NCAM2: variants seen among roughly 807,000 people sequenced by gnomAD.
NCAM2 encodes neural cell adhesion molecule 2.
Under a neutral mutation model 98.1 loss-of-function variants are expected in NCAM2, and 30 were observed. The observed-to-expected ratio is 0.31, with a 90% CI of 0.23 to 0.41. NCAM2 has a LOEUF of 0.41. Ranked by LOEUF, NCAM2 falls within the 10% of genes least tolerant of loss-of-function variation. The probability of loss-of-function intolerance (pLI) is 1.00; values close to 1 mark genes in which losing one functional copy is unlikely to be tolerated. For synonymous variants in NCAM2, 368 were observed against 342.4 expected (o/e 1.07, Z -0.83); for missense variants, 867 against 1,005.8 (o/e 0.86, Z 1.87).
At chr21:21,196,676 C>T (rs1437477844) in intron 1 of NCAM2, among the ~76,000 whole-genome samples, 1 of 152,074 alleles carries the variant, frequency 6.6e-6, no homozygotes, top group Non-Finnish European at 1.5e-5. Context: ...ATGGCAGGGG[C>T]CAGAAACTGG....
rs1488289105 is a variant in NCAM2, at chr21:20,999,594, T to TA, written c.55+977dup. On this transcript the variant is annotated intron_variant, in intron 1 of 17. Coordinates refer to ENST00000400546, the MANE Select transcript of NCAM2 (RefSeq NM_004540.5). ...GAAAGTCTTTAAAGGAAAAATAAAA[T>TA]AGCACTAATTTTGAGATATGTAATG... is the stretch of plus-strand genomic sequence containing the variant. Among the ~76,000 whole-genome samples, 3 of 152,172 alleles carry TA rather than the reference T, an allele frequency of 2.0e-5. 1 individual carries two copies. In the East Asian group the frequency reaches 5.8e-4, roughly 29 times the overall value.
intron 14 of NCAM2, among the ~76,000 whole-genome samples, chr21:21,477,065 A>C (rs1247332886): frequency 6.6e-6 from 1 of 152,086 alleles, no homozygotes; most frequent in African/African-American, 2.4e-5. Context: ...AGGATTAATG[A>C]CAAAACCACT....
At chr21:21,107,045 C>T (rs558328858) in intron 1 of NCAM2, among the ~76,000 whole-genome samples, 7 of 152,120 alleles carry the variant, frequency 4.6e-5, no homozygotes, top group South Asian at 2.1e-4. Flanking sequence ...AATCTAAAAT[C>T]AGTAAGAAAT....
intron 15 of NCAM2, among the ~76,000 whole-genome samples, chr21:21,507,085 A>G (rs1988026424): frequency 6.6e-6 from 1 of 151,994 alleles, no homozygotes; most frequent in African/African-American, 2.4e-5. Context: ...TATAAGAAAT[A>G]AAAATAACTT....
chr21:21,407,182 GTTGTTA>G (rs1336755663), intron 9 of NCAM2, among the ~76,000 whole-genome samples: 1 of 152,178 alleles, frequency 6.6e-6, no homozygotes, highest in Non-Finnish European at 1.5e-5. Flanking sequence ...CCAGTACCAA[GTTGTTA>G]ATTGCATTGA....
At chr21:21,450,901 A>G (rs1980960597) in intron 12 of NCAM2, among the ~76,000 whole-genome samples, 1 of 151,920 alleles carries the variant, frequency 6.6e-6, no homozygotes, top group Non-Finnish European at 1.5e-5. Context: ...GAAGTAGCAC[A>G]TGTTACACAC....
At chr21:21,514,060 A>G (rs1486723521) in intron 16 of NCAM2, among the ~76,000 whole-genome samples, 1 of 151,750 alleles carries the variant, frequency 6.6e-6, no homozygotes. Flanking sequence ...CATGCTCTAC[A>G]TATATAACCT....
At chr21:21,200,482 G>A (rs954675016) in intron 1 of NCAM2, among the ~76,000 whole-genome samples, 1 of 150,576 alleles carries the variant, frequency 6.6e-6, no homozygotes, top group Non-Finnish European at 1.5e-5. Context: ...ACTTTTCAAC[G>A]TTTAAGAAAT....
At chr21:21,319,509 C>T (rs745447741) in intron 5 of NCAM2, among the ~76,000 whole-genome samples, 4 of 152,034 alleles carry the variant, frequency 2.6e-5, no homozygotes, top group South Asian at 2.1e-4. Flanking sequence ...GGCATGATGG[C>T]GCGTGCCTGT....
At chr21:21,375,215 C>CA (rs1347678056) in intron 9 of NCAM2, among the ~76,000 whole-genome samples, 6 of 140,694 alleles carry the variant, frequency 4.3e-5, no homozygotes, top group African/African-American at 1.6e-4. Context: ...AAAACAAAAA[C>CA]AAAAACAAAA....
At chr21:21,210,484 C>T (rs1214695941) in intron 1 of NCAM2, 18 of 1,239,854 alleles carry the variant, frequency 1.5e-5, no homozygotes, top group Non-Finnish European at 1.8e-5. Context: ...TCATGAAGTA[C>T]AAGTAATTAA....
At chr21:21,253,370 A>G (rs1016884469) in intron 1 of NCAM2, among the ~76,000 whole-genome samples, 6 of 152,154 alleles carry the variant, frequency 3.9e-5, no homozygotes, top group African/African-American at 1.4e-4. Flanking sequence ...TTCCAAATTC[A>G]TGTGCTGAAA....
chr21:21,368,176 A>G (rs1273914923), intron 8 of NCAM2, among the ~76,000 whole-genome samples: 3 of 152,002 alleles, frequency 2.0e-5, no homozygotes, highest in Non-Finnish European at 4.4e-5. Flanking sequence ...ATATAAATGT[A>G]TACAGCCATA....
At chr21:21,519,530 G>A (rs927581340) in intron 16 of NCAM2, among the ~76,000 whole-genome samples, 5 of 152,002 alleles carry the variant, frequency 3.3e-5, no homozygotes, top group African/African-American at 1.2e-4. Flanking sequence ...ACAACCAGGT[G>A]TATGCAGTTG....
In NCAM2 at chr21:21,252,455, A is replaced by G. The variant is rs536237416; in HGVS notation, c.56-28123A>G. Reference sequence around the variant, plus strand: ...TTATAACCCATATAATATATACGATATAATCTAATCACCTTCATTATATAA... The same window carrying G: ...TTATAACCCATATAATATATACGATGTAATCTAATCACCTTCATTATATAA... On this transcript the variant is annotated intron_variant, in intron 1 of 17. Coordinates refer to ENST00000400546, the MANE Select transcript of NCAM2 (RefSeq NM_004540.5). Among the ~76,000 whole-genome samples the G allele has an allele frequency of 4.6e-5, 7 of 151,492 alleles. No homozygotes were observed. The South Asian group carries it at 1.5e-3, about 31-fold the overall frequency.
intron 9 of NCAM2, chr21:21,385,739 A>G: frequency 2.0e-6 from 2 of 1,011,636 alleles, no homozygotes; most frequent in Non-Finnish European, 2.6e-6. Context: ...ATACAGTTTA[A>G]TGCAGTAAGC....
At chr21:21,533,166 C>CTTT (rs201532023) in intron 16 of NCAM2, among the ~76,000 whole-genome samples, 1 of 93,802 alleles carries the variant, frequency 1.1e-5, no homozygotes, top group Admixed American at 1.4e-4. Context: ...TGTTTGCTTG[C>CTTT]TTTTTTTTTT....
At chr21:21,098,520 G>T (rs187578432) in intron 1 of NCAM2, among the ~76,000 whole-genome samples, 61 of 151,718 alleles carry the variant, frequency 4.0e-4, no homozygotes, top group African/African-American at 1.3e-3. Flanking sequence ...ATTTTTTATG[G>T]TATGTCAGGT....
In NCAM2 at chr21:21,432,333, T is replaced by C. The variant is rs560211242; in HGVS notation, c.1654+52T>C. 84 of 1,528,858 alleles carry C rather than the reference T, an allele frequency of 5.5e-5. No individual in the cohort carries two copies. In the Admixed American group the frequency reaches 1.0e-3, roughly 19 times the overall value. 94.7% of individuals were successfully genotyped at this position (1,528,858 alleles called of 1,614,324 possible). A position where few individuals can be genotyped will look rare whatever the true frequency, so the allele number is the denominator to read the frequency against. On this transcript the variant is annotated intron_variant, in intron 12 of 17. Coordinates refer to ENST00000400546, the MANE Select transcript of NCAM2 (RefSeq NM_004540.5). ...GGTTAATTCAAGCTGATCTTCAGTA[T>C]ACCTGTATGATTGGCTTTTTCGGTT...
Sources: gnomAD v4.1 joint callset for allele counts (sites outside exome capture counted in the v4.1 genomes callset) on GRCh38, gnomAD v4.1.1 for gene constraint, MANE v1.5 for transcripts, NCBI Gene and HGNC (gene_info 2026-07-23, HGNC 2026-07-21) for gene names.